The following CALCR variants were observed in gnomAD, a reference collection of about 807,000 sequenced individuals.
The protein encoded by CALCR is calcitonin receptor.
Under a neutral mutation model 59.5 loss-of-function variants are expected in CALCR, and 47 were observed. That is an observed-to-expected ratio of 0.79 (90% CI 0.63 to 1.01). The LOEUF is 1.01. CALCR is among the 50% of genes least tolerant of loss of function. CALCR has a pLI of 0.00. For missense variants in CALCR, 566 were observed against 597.1 expected, an observed-to-expected ratio of 0.95 and a Z score of 0.54; for synonymous variants, 213 against 211.3, an observed-to-expected ratio of 1.01 and a Z score of -0.07.
rs535536919 is a variant in CALCR at position 93,574,067 on chromosome 7, A to G, written c.-27+222T>C. Among the ~76,000 whole-genome samples the G allele has an allele frequency of 3.5e-4, 53 of 152,350 alleles. No homozygotes were observed. The South Asian group carries it at 7.7e-3, about 22-fold the overall frequency. On this transcript the variant is annotated intron_variant, in intron 2 of 13. Transcript: ENST00000426151. Reference sequence around the variant, plus strand: ...TCAAACGATTCTTCAATACGAAACCATAAGTTGTTGGCTCTTCCCAGGACA... The same window carrying G: ...TCAAACGATTCTTCAATACGAAACCGTAAGTTGTTGGCTCTTCCCAGGACA...
intron 2 of CALCR, among the ~76,000 whole-genome samples, chr7:93,541,066 A>G (rs1395370825): frequency 6.6e-6 from 1 of 152,190 alleles, no homozygotes. Flanking sequence ...TTTGTAAAAT[A>G]TGATTGCCAC....
intron 7 of CALCR, among the ~76,000 whole-genome samples, chr7:93,465,235 A>G (rs1800415801): frequency 6.6e-6 from 1 of 152,002 alleles, no homozygotes; most frequent in Non-Finnish European, 1.5e-5. Flanking sequence ...ATAAATTGTA[A>G]TTGAAATTTA....
chr7:93,505,712 C>G (rs1801410607), intron 2 of CALCR, among the ~76,000 whole-genome samples: 1 of 152,018 alleles, frequency 6.6e-6, no homozygotes. Flanking sequence ...AAAAGAGAAC[C>G]TCTCTCGTGC....
chr7:93,465,932 T>G (rs1407105275), intron 7 of CALCR, among the ~76,000 whole-genome samples: 1 of 148,982 alleles, frequency 6.7e-6, no homozygotes, highest in Non-Finnish European at 1.5e-5. Flanking sequence ...TCTGCAGGCC[T>G]CCTAGGAGGC....
intron 8 of CALCR, among the ~76,000 whole-genome samples, chr7:93,447,283 A>T (rs1475804216): frequency 2.0e-5 from 3 of 152,046 alleles, no homozygotes; most frequent in African/African-American, 7.2e-5. Context: ...TCAAAACTTC[A>T]TAGAAGATAG....
intron 8 of CALCR, among the ~76,000 whole-genome samples, chr7:93,456,629 A>G (rs1374893685): frequency 1.3e-5 from 2 of 152,130 alleles, no homozygotes; most frequent in Admixed American, 6.6e-5. Context: ...TTGGTGGTCA[A>G]TAAGTACTTG....
At chr7:93,439,409 T>C (rs925670462) in intron 9 of CALCR, among the ~76,000 whole-genome samples, 2 of 152,140 alleles carry the variant, frequency 1.3e-5, no homozygotes, top group African/African-American at 4.8e-5. Context: ...TGGATTTATT[T>C]TGAGATGGAT....
In CALCR at chr7:93,477,612, C is replaced by G. The variant is rs1471811445; in HGVS notation, c.262G>C (p.Gly88Arg). Residue 88 changes from glycine (G) to arginine (R), a missense_variant, in exon 5 of 14, where the codon GGA becomes CGA. Physicochemically the swap from Gly to Arg is moderately radical, Grantham distance 125. Coordinates refer to ENST00000426151, the MANE Select transcript of CALCR (RefSeq NM_001742.4). ...GWLCWDDTPA[G>R]VLSYQFCPDY... ...GGGCAGAACTGATAGGACAATACTC[C>G]AGCCGGTGTGTCATCCCAGCACAGC... 17 of 1,611,472 alleles carry G rather than the reference C, an allele frequency of 1.1e-5. No individual in the cohort carries two copies. Among genetic ancestry groups the G allele is most frequent in the Non-Finnish European group, 1.4e-5 (16 of 1,178,544 alleles).
chr7:93,529,375 C>T lies in CALCR; in HGVS notation c.-26-42368G>A, dbSNP rs375866137. 8.7e-4 allele frequency among the ~76,000 whole-genome samples: 132 copies of T among 152,286 alleles called. No individual in the cohort carries two copies. The South Asian group carries it at 0.018, about 21-fold the overall frequency. On this transcript the variant is annotated intron_variant, in intron 2 of 13. Coordinates refer to ENST00000426151, the MANE Select transcript of CALCR (RefSeq NM_001742.4). The stretch of plus-strand genomic sequence containing the variant: ...GCTTGGAAACTTCCTGAGGCTTCCC[C>T]AGAAGCAGGAGCCACCATGCTTCTT...
chr7:93,434,193 T>G, intron 13 of CALCR, 60 bp downstream of exon 13: 2 of 1,212,204 alleles, frequency 1.6e-6, no homozygotes, highest in South Asian at 2.4e-5. Flanking sequence ...CAGAGGCCCT[T>G]TGGAAAAAAT....
chr7:93,529,298 T>C (rs893122578), intron 2 of CALCR, among the ~76,000 whole-genome samples: 1 of 152,106 alleles, frequency 6.6e-6, no homozygotes, highest in Admixed American at 6.6e-5. Flanking sequence ...ACTCTCTCCT[T>C]GTTCCTGCTC....
chr7:93,528,607 A>C (rs898260539), intron 2 of CALCR, among the ~76,000 whole-genome samples: 2 of 152,222 alleles, frequency 1.3e-5, no homozygotes, highest in Non-Finnish European at 2.9e-5. Context: ...ATAAGCCCTA[A>C]GGCATCATTC....
At chr7:93,530,154 T>C (rs1231875869) in intron 2 of CALCR, among the ~76,000 whole-genome samples, 2 of 152,194 alleles carry the variant, frequency 1.3e-5, no homozygotes, top group African/African-American at 4.8e-5. Context: ...GTCAACATAA[T>C]TGACCCTTAT....
At chr7:93,491,592 A>C (rs2214211) in intron 2 of CALCR, among the ~76,000 whole-genome samples, 90,009 of 151,716 alleles carry the variant, frequency 0.59, 28,354 homozygotes, top group African/African-American at 0.82. Flanking sequence ...AAAAAGTGGG[A>C]AAAGGATATG....
intron 2 of CALCR, among the ~76,000 whole-genome samples, chr7:93,573,416 T>C (rs1790049585): frequency 6.6e-6 from 1 of 152,224 alleles, no homozygotes; most frequent in Non-Finnish European, 1.5e-5. Context: ...TAGCCTTACA[T>C]AGATAACTTG....
At chr7:93,480,040 T>A (rs926347026) in intron 3 of CALCR, among the ~76,000 whole-genome samples, 1 of 151,952 alleles carries the variant, frequency 6.6e-6, no homozygotes, top group Non-Finnish European at 1.5e-5. Context: ...CTGCTCCTCA[T>A]AATTGACCAT....
At chr7:93,572,145 C>T (rs1790018377) in intron 2 of CALCR, among the ~76,000 whole-genome samples, 1 of 152,162 alleles carries the variant, frequency 6.6e-6, no homozygotes, top group South Asian at 2.1e-4. Context: ...AAATATCTAA[C>T]ATCAAATATT....
intron 2 of CALCR, among the ~76,000 whole-genome samples, chr7:93,489,289 C>T (rs1345508818): frequency 6.6e-6 from 1 of 151,814 alleles, no homozygotes; most frequent in African/African-American, 2.4e-5. Flanking sequence ...ATTTATAGCA[C>T]TAAATGCACA....
At chr7:93,443,856 A>G in intron 8 of CALCR, 99 bp from the exon 9 acceptor site, 1 of 1,008,954 alleles carries the variant, frequency 9.9e-7, no homozygotes, top group South Asian at 1.5e-5. Flanking sequence ...ATCTGCATTC[A>G]GCTTGCAAGG....
Sources: gnomAD v4.1 joint callset for allele counts (sites outside exome capture counted in the v4.1 genomes callset) on GRCh38, gnomAD v4.1.1 for gene constraint, MANE v1.5 for transcripts, NCBI Gene and HGNC (gene_info 2026-07-23, HGNC 2026-07-21) for gene names.